GMDS: variants seen among roughly 807,000 people sequenced by gnomAD.
GMDS encodes GDP-mannose 4,6 dehydratase.
In GMDS, 20 loss-of-function variants were observed where a neutral mutation model predicts 49.9. The observed-to-expected ratio is 0.40, with a 90% CI of 0.28 to 0.58. GMDS has a LOEUF of 0.58. Among genes scored for constraint, GMDS ranks in the 20% least tolerant of loss-of-function variants. The probability of loss-of-function intolerance (pLI) is 0.42; values close to 1 mark genes in which losing one functional copy is unlikely to be tolerated. For missense variants in GMDS, 362 were observed against 481.4 expected (o/e 0.75, Z 2.32); for synonymous variants, 177 against 178.6 (o/e 0.99, Z 0.07).
chr6:2,105,804 C>G (rs547478515), intron 4 of GMDS, among the ~76,000 whole-genome samples: 1 of 152,132 alleles, frequency 6.6e-6, no homozygotes, highest in Non-Finnish European at 1.5e-5. Context: ...ATAAGAAGTG[C>G]GAAACTGCTG....
intron 7 of GMDS, among the ~76,000 whole-genome samples, chr6:1,790,641 G>A (rs750200593): frequency 2.0e-5 from 3 of 152,200 alleles, no homozygotes; most frequent in East Asian, 1.9e-4. Flanking sequence ...AGTATATATC[G>A]TTTTTGTATA....
At chr6:1,926,452 G>A (rs1218482469) in intron 7 of GMDS, among the ~76,000 whole-genome samples, 2 of 152,208 alleles carry the variant, frequency 1.3e-5, no homozygotes, top group Non-Finnish European at 1.5e-5. Context: ...CACGCTCTGC[G>A]AGGGGGATAA....
At chr6:1,828,790 T>C (rs1771235017) in intron 7 of GMDS, among the ~76,000 whole-genome samples, 1 of 152,106 alleles carries the variant, frequency 6.6e-6, no homozygotes, top group Non-Finnish European at 1.5e-5. Flanking sequence ...CCAAAGTGAG[T>C]CTTTCAGCTT....
At chr6:1,793,743 G>C (rs2113641615) in intron 7 of GMDS, among the ~76,000 whole-genome samples, 1 of 152,168 alleles carries the variant, frequency 6.6e-6, no homozygotes, top group South Asian at 2.1e-4. Context: ...TGGAATTCTG[G>C]GTTTCTCATT....
intron 9 of GMDS, among the ~76,000 whole-genome samples, chr6:1,720,766 A>G (rs1766355146): frequency 6.6e-6 from 1 of 152,166 alleles, no homozygotes; most frequent in South Asian, 2.1e-4. Context: ...GGAACAAAGA[A>G]GAGCAGGGGT....
intron 7 of GMDS, among the ~76,000 whole-genome samples, chr6:1,815,849 G>T (rs1770643326): frequency 6.6e-6 from 1 of 152,164 alleles, no homozygotes; most frequent in Non-Finnish European, 1.5e-5. Context: ...ACCTTATCCT[G>T]ATGTCAATTC....
chr6:2,186,239 T>C (rs766113197), intron 1 of GMDS, among the ~76,000 whole-genome samples: 2 of 152,238 alleles, frequency 1.3e-5, no homozygotes, highest in Non-Finnish European at 2.9e-5. Flanking sequence ...CGCTGCAATG[T>C]TTTAATGTAC....
chr6:1,787,093 T>C (rs904280897), intron 7 of GMDS, among the ~76,000 whole-genome samples: 4 of 152,202 alleles, frequency 2.6e-5, no homozygotes, highest in Non-Finnish European at 4.4e-5. Flanking sequence ...GAAAGGCTAA[T>C]AGACTTGAAC....
chr6:1,900,134 G>C (rs952600435), intron 7 of GMDS, among the ~76,000 whole-genome samples: 14 of 152,212 alleles, frequency 9.2e-5, no homozygotes, highest in African/African-American at 3.1e-4. Context: ...TGGAGGAGCA[G>C]GGAGCCTTAT....
At chr6:1,999,005 T>C (rs1766473499) in intron 4 of GMDS, among the ~76,000 whole-genome samples, 1 of 152,146 alleles carries the variant, frequency 6.6e-6, no homozygotes. Context: ...ATAATAATTC[T>C]AATTATCCCA....
At chr6:2,153,100 TAATCAATGGACTATTC>T (rs1776919327) in intron 1 of GMDS, among the ~76,000 whole-genome samples, 1 of 152,180 alleles carries the variant, frequency 6.6e-6, no homozygotes, top group Non-Finnish European at 1.5e-5. Context: ...TAGCATCTTT[TAATCAATGGACTATTC>T]AATAAATTAT....
chr6:2,058,907 G>A (rs1001437853), intron 4 of GMDS, among the ~76,000 whole-genome samples: 6 of 152,166 alleles, frequency 3.9e-5, no homozygotes, highest in Admixed American at 6.5e-5. Flanking sequence ...TCATCAGGCC[G>A]GGTGGCACCT....
intron 4 of GMDS, among the ~76,000 whole-genome samples, chr6:2,035,443 C>G (rs1398966000): frequency 2.6e-5 from 4 of 152,136 alleles, no homozygotes; most frequent in Non-Finnish European, 5.9e-5. Flanking sequence ...GGATTCACCA[C>G]TATACATCTC....
intron 9 of GMDS, among the ~76,000 whole-genome samples, chr6:1,642,421 G>T (rs1434805045): frequency 2.0e-5 from 3 of 151,830 alleles, no homozygotes; most frequent in Non-Finnish European, 4.4e-5. Flanking sequence ...GGCCCACCTC[G>T]GCCTCCCAAA....
At chr6:1,686,772 G>A (rs922335561) in intron 9 of GMDS, among the ~76,000 whole-genome samples, 2 of 152,144 alleles carry the variant, frequency 1.3e-5, no homozygotes, top group Non-Finnish European at 2.9e-5. Context: ...GAGCTGCCCA[G>A]GTTGCAGGGC....
At chr6:1,879,548 A>G (rs188952189) in intron 7 of GMDS, among the ~76,000 whole-genome samples, 3 of 152,332 alleles carry the variant, frequency 2.0e-5, no homozygotes, top group African/African-American at 4.8e-5. Flanking sequence ...TCTTGAAGAC[A>G]GAAACCTATT....
intron 9 of GMDS, among the ~76,000 whole-genome samples, chr6:1,660,756 T>C (rs1764041296): frequency 6.9e-6 from 1 of 144,448 alleles, no homozygotes; most frequent in East Asian, 2.0e-4. Context: ...CCTACTGATT[T>C]AGTTTGTGAA....
At chr6:2,213,753 G>A (rs1390434695) in intron 1 of GMDS, among the ~76,000 whole-genome samples, 1 of 152,110 alleles carries the variant, frequency 6.6e-6, no homozygotes, top group African/African-American at 2.4e-5. Flanking sequence ...ATGAGAATAG[G>A]AGGACGAAGG....
intron 9 of GMDS, among the ~76,000 whole-genome samples, chr6:1,660,062 C>T (rs1764019259): frequency 6.6e-6 from 1 of 151,964 alleles, no homozygotes; most frequent in Non-Finnish European, 1.5e-5. Flanking sequence ...AGCCGCGGAC[C>T]TGCTTGTGTT....
Sources: gnomAD v4.1 joint callset for allele counts (sites outside exome capture counted in the v4.1 genomes callset) on GRCh38, gnomAD v4.1.1 for gene constraint, MANE v1.5 for transcripts, NCBI Gene and HGNC (gene_info 2026-07-23, HGNC 2026-07-21) for gene names.